The following NFASC variants were observed in gnomAD, a reference collection of about 807,000 sequenced individuals.
NFASC encodes neurofascin.
Under a neutral mutation model 147.5 loss-of-function variants are expected in NFASC, and 43 were observed. The ratio of observed to expected loss-of-function variants is 0.29; its 90% CI spans 0.23 to 0.38. The LOEUF is 0.38. Among genes scored for constraint, NFASC ranks in the 10% least tolerant of loss-of-function variants. The pLI is 1.00. For missense variants in NFASC, 1,320 were observed against 1,689.0 expected, an observed-to-expected ratio of 0.78 and a Z score of 3.83; for synonymous variants, 622 against 665.5, an observed-to-expected ratio of 0.93 and a Z score of 1.01.
rs1251670930 is a variant in NFASC at position 204,910,229 on chromosome 1, A to C, written c.-199-10403A>C. Reference sequence around the variant, plus strand: ...GTTTATGAACAAAGTAGGCCTCTCCATTTATGTAGATATTTGATTTCTTTA... The same window carrying C: ...GTTTATGAACAAAGTAGGCCTCTCCCTTTATGTAGATATTTGATTTCTTTA... On this transcript the variant is annotated intron_variant, in intron 1 of 29. Transcript: ENST00000339876. 2.0e-5 allele frequency among the ~76,000 whole-genome samples: 3 copies of C among 152,138 alleles called. No individual in the cohort carries two copies. In the East Asian group the frequency reaches 5.8e-4, roughly 29 times the overall value.
In NFASC at chr1:204,979,034, G is replaced by C; in HGVS notation, c.1943G>C (p.Trp648Ser). Reference protein sequence around the residue: ...DLAERSVRLTWIPGDANNSPI... With the variant: ...DLAERSVRLTSIPGDANNSPI... ...GCCGAGAGGAGCGTGCGGCTGACCT[G>C]GATCCCCGGGGATGCTAACAACAGC... is the stretch of plus-strand genomic sequence containing the variant. The change falls in exon 18 of 30, where the codon TGG becomes TCG. Residue 648 changes from tryptophan to serine, a missense_variant. By Grantham distance (177) the Trp-to-Ser change is radical (BLOSUM62 -3). This residue lies in a region of NFASC where 981 missense variants were observed against 1,289.5 expected (regional missense o/e 0.76). Transcript: ENST00000339876. This position sits in a 1 kb window ranked among gnomAD's most constrained non-coding sequence, Gnocchi z 6.0. The C allele has an allele frequency of 6.4e-7, 1 of 1,564,280 alleles. No individual in the cohort carries two copies. Among genetic ancestry groups the C allele is most frequent in the Non-Finnish European group, 8.7e-7 (1 of 1,153,456 alleles).
intron 2 of NFASC, among the ~76,000 whole-genome samples, chr1:204,926,044 A>G (rs1200012831): frequency 6.6e-6 from 1 of 151,348 alleles, no homozygotes; most frequent in Non-Finnish European, 1.5e-5. Context: ...GGAGATAGAG[A>G]CCAGACAGTT....
At chr1:205,003,114 C>T (rs921158958) in intron 27 of NFASC, among the ~76,000 whole-genome samples, 6 of 152,262 alleles carry the variant, frequency 3.9e-5, no homozygotes, top group East Asian at 1.9e-4. Context: ...CTGGCCTGTG[C>T]GCACAGGGGC....
intron 1 of NFASC, among the ~76,000 whole-genome samples, chr1:204,898,663 C>T (rs781168977): frequency 9.9e-4 from 150 of 152,224 alleles, no homozygotes; most frequent in Non-Finnish European, 1.7e-3. Flanking sequence ...AAAAGGCAGG[C>T]GGGGAGACGG....
In NFASC at chr1:204,867,950, C is replaced by G. The variant is rs531522121; in HGVS notation, c.-200+39168C>G. Among the ~76,000 whole-genome samples, 286 of 152,350 alleles carry G rather than the reference C, an allele frequency of 1.9e-3. 2 individuals carry two copies. Among genetic ancestry groups the G allele is most frequent in the Middle Eastern group, 3.4e-3 (1 of 294 alleles). On this transcript the variant is annotated intron_variant, in intron 1 of 29. Coordinates refer to ENST00000339876, the MANE Select transcript of NFASC (RefSeq NM_001005388.3). ...GGGGTCTCAGCCCTGGACAGGCCCT[C>G]GAGGCAGTCACATCCTACCTCCTAC...
rs189292938 is a variant in NFASC, at chr1:204,846,889, G to T, written c.-200+18107G>T. Reference sequence around the variant, plus strand: ...GGCAGCTGGCACTTGCTCAACTTTTGCCCCAGTCTACCCTAGAATCTCAGT... The same window carrying T: ...GGCAGCTGGCACTTGCTCAACTTTTTCCCCAGTCTACCCTAGAATCTCAGT... On this transcript the variant is annotated intron_variant, in intron 1 of 29. Coordinates refer to ENST00000339876, the MANE Select transcript of NFASC (RefSeq NM_001005388.3). 3.3e-3 allele frequency among the ~76,000 whole-genome samples: 504 copies of T among 152,004 alleles called. 3 individuals carry two copies. Among genetic ancestry groups the T allele is most frequent in the Non-Finnish European group, 3.4e-3 (228 of 67,980 alleles).
At position 205,002,723 on chromosome 1, in the gene NFASC, C is replaced by A. The variant is rs1293555003; in HGVS notation, c.3264C>A (p.Thr1088=). Residue 1088 remains threonine (T), a synonymous_variant, in exon 27 of 30, where the codon ACC becomes ACA. Coordinates refer to ENST00000339876, the MANE Select transcript of NFASC (RefSeq NM_001005388.3). The stretch of plus-strand genomic sequence containing the variant: ...GGGACAACGAGGGCATCAGCAGTAC[C>A]GTCATCACCTTTATGACCAGTACAG... ...YSRDNEGISS[T]VITFMTSTAY... 26 of 1,558,446 alleles carry A rather than the reference C, an allele frequency of 1.7e-5. No homozygotes were observed. The highest frequency in any genetic ancestry group is 2.2e-5 in the Non-Finnish European group (25 of 1,140,892).
intron 1 of NFASC, among the ~76,000 whole-genome samples, chr1:204,839,670 C>T (rs893269203): frequency 6.6e-6 from 1 of 152,184 alleles, no homozygotes; most frequent in Non-Finnish European, 1.5e-5. Context: ...GCTCGCCTCT[C>T]CTCTTCCATG....
chr1:204,947,089 G>A, intron 3 of NFASC: 1 of 318,658 alleles, frequency 3.1e-6, no homozygotes, highest in Non-Finnish European at 6.2e-6. Flanking sequence ...AGAAACAGCA[G>A]CAGAAACAGG....
Position 204,979,372 on chromosome 1 carries a change from C to T in NFASC, c.1989C>T (p.Val663=). 3 of 1,614,114 alleles carry T rather than the reference C, an allele frequency of 1.9e-6. No individual in the cohort carries two copies. Among genetic ancestry groups the T allele is most frequent in the Non-Finnish European group, 2.5e-6 (3 of 1,179,958 alleles). The part of the protein sequence containing the change: ...ANNSPITDYV[V]QFEEDQFQPG... The stretch of plus-strand genomic sequence containing the variant: ...TCCTTGCCCACTCAGACTACGTCGT[C>T]CAGTTTGAAGAAGACCAGTTCCAAC... The change falls in exon 19 of 30, where the codon GTC becomes GTT. Residue 663 remains valine (V), a synonymous_variant. Coordinates refer to ENST00000339876, the MANE Select transcript of NFASC (RefSeq NM_001005388.3). The surrounding 1 kb of genome is among the most constrained non-coding windows in gnomAD (Gnocchi z 6.0).
At chr1:204,983,223 C>T (rs2095542387) in intron 21 of NFASC, among the ~76,000 whole-genome samples, 1 of 152,144 alleles carries the variant, frequency 6.6e-6, no homozygotes, top group African/African-American at 2.4e-5. Flanking sequence ...GTGGAGAAAA[C>T]AGGGACAAGA....
rs76522459 is a variant in NFASC, at chr1:204,949,199, G to A, written c.92-1358G>A. On this transcript the variant is annotated intron_variant, in intron 3 of 29. Coordinates refer to ENST00000339876, the MANE Select transcript of NFASC (RefSeq NM_001005388.3). The stretch of plus-strand genomic sequence containing the variant: ...GTCTCAAGATTTTCCTTCATGCATA[G>A]CATGTACGGCAGGGCCCTTGTCCTG... Among the ~76,000 whole-genome samples, 821 of 152,310 alleles carry A rather than the reference G, an allele frequency of 5.4e-3. 12 individuals are homozygous for A. The highest frequency in any genetic ancestry group is 0.019 in the African/African-American group (781 of 41,560).
chr1:204,974,110 T>A, intron 12 of NFASC, 69 bp from the exon 13 acceptor site: 1 of 1,286,106 alleles, frequency 7.8e-7, no homozygotes, highest in Non-Finnish European at 1.1e-6. Context: ...CATGCAGAGG[T>A]GAGACCGAGG....
At chr1:204,897,577 C>T (rs1376598484) in intron 1 of NFASC, among the ~76,000 whole-genome samples, 1 of 150,308 alleles carries the variant, frequency 6.7e-6, no homozygotes, top group East Asian at 1.9e-4. Context: ...TTTTCTTTTT[C>T]CTTTTTTTTT....
intron 1 of NFASC, among the ~76,000 whole-genome samples, chr1:204,885,053 A>G (rs542584477): frequency 6.6e-6 from 1 of 152,242 alleles, no homozygotes; most frequent in East Asian, 1.9e-4. Context: ...CGTGAGACCA[A>G]GAGTTTGAGA....
At chr1:204,933,123 AT>A (rs1402740402) in intron 2 of NFASC, among the ~76,000 whole-genome samples, 2 of 152,182 alleles carry the variant, frequency 1.3e-5, no homozygotes, top group African/African-American at 4.8e-5. Flanking sequence ...GATCTTATAG[AT>A]TAATGGGATG....
chr1:204,944,770 G>T, intron 3 of NFASC: 1 of 241,148 alleles, frequency 4.1e-6, no homozygotes. Flanking sequence ...CATGAAAGCA[G>T]TCCAGGGTCA....
intron 8 of NFASC, among the ~76,000 whole-genome samples, chr1:204,964,192 T>C (rs1182418236): frequency 6.6e-6 from 1 of 152,250 alleles, no homozygotes; most frequent in Non-Finnish European, 1.5e-5. Flanking sequence ...AATGTTCTCA[T>C]TTGCCAAATG....
chr1:204,956,309 C>T (rs1165821648), intron 7 of NFASC, among the ~76,000 whole-genome samples: 2 of 152,178 alleles, frequency 1.3e-5, no homozygotes, highest in African/African-American at 4.8e-5. Context: ...GGTCCAGATC[C>T]CTTTCCCTGG....
Sources: allele counts gnomAD v4.1 joint callset (sites outside exome capture counted in the v4.1 genomes callset), GRCh38; gene constraint gnomAD v4.1.1; regional missense constraint gnomAD v4.1.1; non-coding constraint Gnocchi (gnomAD v3.1); transcripts MANE v1.5; gene names NCBI Gene and HGNC (gene_info 2026-07-23, HGNC 2026-07-21).